TMCC1: variants seen among roughly 807,000 people sequenced by gnomAD.
TMCC1 encodes transmembrane and coiled-coil domains protein 1.
TMCC1 carries 15 observed loss-of-function variants against 52.4 expected under a neutral mutation model. The ratio of observed to expected loss-of-function variants is 0.29; its 90% CI spans 0.19 to 0.44. TMCC1 has a LOEUF of 0.44. Ranked by LOEUF, TMCC1 falls within the 20% of genes least tolerant of loss-of-function variation. The pLI is 1.00. For synonymous variants in TMCC1, 279 were observed against 301.9 expected, an observed-to-expected ratio of 0.92 and a Z score of 0.79; for missense variants, 503 against 806.0, an observed-to-expected ratio of 0.62 and a Z score of 4.55.
chr3:129,876,348 A>G (rs2061213691), intron 2 of TMCC1, among the ~76,000 whole-genome samples: 1 of 151,826 alleles, frequency 6.6e-6, no homozygotes, highest in African/African-American at 2.4e-5. Flanking sequence ...AGCCCCACTG[A>G]CAGAACAAAG....
At chr3:129,794,433 C>T (rs747623576) in intron 4 of TMCC1, 20 of 453,992 alleles carry the variant, frequency 4.4e-5, no homozygotes, top group South Asian at 2.8e-4. Context: ...TTGGGAAAGT[C>T]GGTGGCAGAA....
intron 6 of TMCC1, among the ~76,000 whole-genome samples, chr3:129,652,687 G>A (rs185712434): frequency 2.2e-4 from 34 of 152,258 alleles, no homozygotes; most frequent in African/African-American, 6.5e-4. Flanking sequence ...AACAGACTCC[G>A]TTAACTTAGG....
At chr3:129,866,219 G>A (rs2060620416) in intron 2 of TMCC1, among the ~76,000 whole-genome samples, 1 of 147,620 alleles carries the variant, frequency 6.8e-6, no homozygotes, top group Non-Finnish European at 1.5e-5. Flanking sequence ...GGTGTACAAA[G>A]ACCCACAGCT....
In TMCC1 at chr3:129,880,949, C is replaced by T. The variant is rs183327922; in HGVS notation, c.-434-390G>A. ...TGCAATCTTGGCTCACTGCAACCTC[C>T]ACCTCCCAGGTTCAAGCGATTCTCC... On this transcript the variant is annotated intron_variant, in intron 1 of 6. Transcript: ENST00000393238. 2.2e-3 allele frequency among the ~76,000 whole-genome samples: 338 copies of T among 151,520 alleles called. 5 individuals are homozygous for T. Among genetic ancestry groups the T allele is most frequent in the Non-Finnish European group, 5.0e-4 (34 of 67,888 alleles).
chr3:129,821,694 T>C (rs2058431816), intron 4 of TMCC1, among the ~76,000 whole-genome samples: 1 of 152,182 alleles, frequency 6.6e-6, no homozygotes, highest in African/African-American at 2.4e-5. Context: ...TTATGGGCCC[T>C]GTTTTCCATC....
chr3:129,834,933 G>T (rs1000647157), intron 2 of TMCC1, among the ~76,000 whole-genome samples: 1 of 152,184 alleles, frequency 6.6e-6, no homozygotes, highest in Non-Finnish European at 1.5e-5. Context: ...CAAAGAAATT[G>T]ATTGCCTTTT....
At chr3:129,755,256 C>T (rs939661584) in intron 4 of TMCC1, among the ~76,000 whole-genome samples, 6 of 152,010 alleles carry the variant, frequency 3.9e-5, no homozygotes, top group African/African-American at 1.4e-4. Flanking sequence ...ATGCTCATTA[C>T]CTGGGTGACA....
At chr3:129,857,833 G>C (rs765572285) in intron 2 of TMCC1, among the ~76,000 whole-genome samples, 1 of 152,290 alleles carries the variant, frequency 6.6e-6, no homozygotes, top group African/African-American at 2.4e-5. Flanking sequence ...AAAGTGCTGG[G>C]ATTACAGGCG....
At position 129,756,314 on chromosome 3, in the gene TMCC1, T is replaced by C. The variant is rs2053006954; in HGVS notation, c.576+71489A>G. On this transcript the variant is annotated intron_variant, in intron 4 of 6. Transcript: ENST00000393238. ...AGATATCCTTGAATGACAGAATAGG[T>C]AACTGAACTGTAATTACATTCATAC... 4.6e-5 allele frequency among the ~76,000 whole-genome samples: 7 copies of C among 152,294 alleles called. No homozygotes were observed. In the South Asian group the frequency reaches 1.4e-3, roughly 32 times the overall value.
chr3:129,699,184 T>C (rs1193352899), intron 4 of TMCC1, among the ~76,000 whole-genome samples: 1 of 152,194 alleles, frequency 6.6e-6, no homozygotes, highest in African/African-American at 2.4e-5. Context: ...TGAGACTTAC[T>C]GGGCTGCACT....
At position 129,651,936 on chromosome 3, in the gene TMCC1, A is replaced by C; in HGVS notation, c.1648-141T>G. ...TGCTGGAGCCTTGAATGAATGTAAA[A>C]GGCTAGATGTATAACTCACTATTCA... On this transcript the variant is annotated intron_variant, in intron 6 of 6. Transcript: ENST00000393238. This position sits in a 1 kb window ranked among gnomAD's most constrained non-coding sequence, Gnocchi z 5.1. The C allele has an allele frequency of 1.0e-6, 1 of 967,344 alleles. No individual in the cohort carries two copies. The highest frequency in any genetic ancestry group is 1.7e-5 in the South Asian group (1 of 57,256). The allele number at this position is 967,344 out of a possible 1,614,324, so 59.9% of individuals were successfully genotyped here.
chr3:129,677,664 G>C (rs565209804), intron 4 of TMCC1, among the ~76,000 whole-genome samples: 6 of 152,276 alleles, frequency 3.9e-5, no homozygotes, highest in African/African-American at 1.4e-4. Flanking sequence ...ATGCTCAATA[G>C]GGTCTATGAT....
chr3:129,859,431 G>A (rs780572039), intron 2 of TMCC1, among the ~76,000 whole-genome samples: 1 of 152,060 alleles, frequency 6.6e-6, no homozygotes, highest in Non-Finnish European at 1.5e-5. Flanking sequence ...GAGGCCAGGA[G>A]TTTGAGAACA....
At chr3:129,742,147 T>C (rs2051513597) in intron 4 of TMCC1, among the ~76,000 whole-genome samples, 1 of 152,136 alleles carries the variant, frequency 6.6e-6, no homozygotes, top group South Asian at 2.1e-4. Flanking sequence ...TTTGTGTTTT[T>C]TTCCTGGTCC....
At chr3:129,850,619 G>A (rs1198232527) in intron 2 of TMCC1, among the ~76,000 whole-genome samples, 1 of 152,130 alleles carries the variant, frequency 6.6e-6, no homozygotes, top group African/African-American at 2.4e-5. Flanking sequence ...CCAGCTCGGT[G>A]GGGGAGACCC....
At chr3:129,853,603 T>G (rs2060010687) in intron 2 of TMCC1, among the ~76,000 whole-genome samples, 1 of 145,150 alleles carries the variant, frequency 6.9e-6, no homozygotes, top group African/African-American at 2.6e-5. Context: ...CATTCCAGCC[T>G]GGGCAACAGA....
intron 4 of TMCC1, among the ~76,000 whole-genome samples, chr3:129,757,613 G>A (rs1402669200): frequency 1.3e-5 from 2 of 152,120 alleles, no homozygotes; most frequent in Non-Finnish European, 2.9e-5. Flanking sequence ...TTGAGGTCTG[G>A]AGTTTGAGAC....
intron 4 of TMCC1, among the ~76,000 whole-genome samples, chr3:129,732,116 A>C (rs1437476871): frequency 2.0e-5 from 3 of 152,142 alleles, no homozygotes; most frequent in Non-Finnish European, 4.4e-5. Context: ...TGCTAACCTC[A>C]CTTAGTTCTA....
chr3:129,892,067 T>G (rs1438760405), intron 1 of TMCC1, among the ~76,000 whole-genome samples: 1 of 152,240 alleles, frequency 6.6e-6, no homozygotes, highest in Non-Finnish European at 1.5e-5. Flanking sequence ...GCAAATGCTC[T>G]GAGAAATCTC....
Sources: allele counts gnomAD v4.1 joint callset (sites outside exome capture counted in the v4.1 genomes callset), GRCh38; gene constraint gnomAD v4.1.1; non-coding constraint Gnocchi (gnomAD v3.1); transcripts MANE v1.5; gene names NCBI Gene and HGNC (gene_info 2026-07-23, HGNC 2026-07-21).